PPM1H: variants seen among roughly 807,000 people sequenced by gnomAD.
The protein encoded by PPM1H is protein phosphatase, Mg2+/Mn2+ dependent 1H, also known as protein phosphatase 1H.
In PPM1H, 27 loss-of-function variants were observed where a neutral mutation model predicts 54.9. That is an observed-to-expected ratio of 0.49 (90% CI 0.36 to 0.68). The LOEUF (loss-of-function observed/expected upper bound fraction) is 0.68. Among genes scored for constraint, PPM1H ranks in the 30% least tolerant of loss-of-function variants. The pLI is 0.00. For missense variants in PPM1H, 596 were observed against 667.8 expected (o/e 0.89, Z 1.19); for synonymous variants, 305 against 270.8 (o/e 1.13, Z -1.24).
chr12:62,912,595 A>G (rs1386991963), intron 1 of PPM1H, among the ~76,000 whole-genome samples: 1 of 152,222 alleles, frequency 6.6e-6, no homozygotes, highest in East Asian at 1.9e-4. Flanking sequence ...TTAACCTTCT[A>G]CTATGATATC....
At chr12:62,850,342 T>C (rs1345599208) in intron 1 of PPM1H, among the ~76,000 whole-genome samples, 2 of 152,128 alleles carry the variant, frequency 1.3e-5, no homozygotes, top group African/African-American at 4.8e-5. Flanking sequence ...AGTTAAAGAT[T>C]TACTGATAAT....
intron 4 of PPM1H, among the ~76,000 whole-genome samples, chr12:62,774,010 C>G (rs2076594243): frequency 6.6e-6 from 1 of 152,172 alleles, no homozygotes; most frequent in South Asian, 2.1e-4. Flanking sequence ...GCTGAGCTGA[C>G]CAGCATTCCC....
chr12:62,781,798 A>G (rs1433416952), intron 4 of PPM1H, among the ~76,000 whole-genome samples: 2 of 152,180 alleles, frequency 1.3e-5, no homozygotes, highest in African/African-American at 2.4e-5. Context: ...CCTGATGGGA[A>G]AAGTACAGAC....
intron 5 of PPM1H, among the ~76,000 whole-genome samples, chr12:62,723,330 T>C (rs916181965): frequency 6.6e-6 from 1 of 152,134 alleles, no homozygotes; most frequent in Non-Finnish European, 1.5e-5. Context: ...GTGCTTTCAT[T>C]CTGCTTTGTA....
intron 2 of PPM1H, among the ~76,000 whole-genome samples, chr12:62,808,488 G>T (rs2076818245): frequency 6.6e-6 from 1 of 152,056 alleles, no homozygotes; most frequent in African/African-American, 2.4e-5. Flanking sequence ...CACAACATTT[G>T]GTCATTTTCT....
intron 1 of PPM1H, among the ~76,000 whole-genome samples, chr12:62,919,035 T>C (rs965479817): frequency 6.6e-6 from 1 of 152,216 alleles, no homozygotes; most frequent in African/African-American, 2.4e-5. Context: ...TCAGTGGAGA[T>C]AGAAATTTTT....
At position 62,648,438 on chromosome 12, in the gene PPM1H, G is replaced by A. The variant is rs1035959869; in HGVS notation, c.*51C>T. 1 of 1,602,998 alleles carries A rather than the reference G, an allele frequency of 6.2e-7. No individual in the cohort carries two copies. The highest frequency in any genetic ancestry group is 1.3e-5 in the African/African-American group (1 of 74,818). On this transcript the variant is annotated 3_prime_UTR_variant, in exon 10 of 10. Transcript: ENST00000228705. Reference sequence around the variant, plus strand: ...GCACTTCCCAGTTCCGTCCTGCCAAGAGGCATCCCAGCTTTCTTCCCCTCT... The same window carrying A: ...GCACTTCCCAGTTCCGTCCTGCCAAAAGGCATCCCAGCTTTCTTCCCCTCT...
intron 1 of PPM1H, among the ~76,000 whole-genome samples, chr12:62,866,185 A>T (rs1473348090): frequency 6.6e-6 from 1 of 152,166 alleles, no homozygotes; most frequent in African/African-American, 2.4e-5. Context: ...CCTTGATCTC[A>T]GCAGGGCTCC....
chr12:62,835,691 A>G (rs955901464), intron 1 of PPM1H, among the ~76,000 whole-genome samples: 5 of 152,118 alleles, frequency 3.3e-5, no homozygotes. Flanking sequence ...TATTAATTTA[A>G]ATATTAAATT....
chr12:62,737,255 C>T (rs879572445), intron 5 of PPM1H, among the ~76,000 whole-genome samples: 2 of 150,760 alleles, frequency 1.3e-5, no homozygotes, highest in East Asian at 1.9e-4. Context: ...AACCAGAGCA[C>T]ACCATGTCTT....
chr12:62,925,684 T>C (rs980798488), intron 1 of PPM1H, among the ~76,000 whole-genome samples: 4 of 152,214 alleles, frequency 2.6e-5, no homozygotes, highest in Non-Finnish European at 5.9e-5. Context: ...TATTAACATG[T>C]AATACTCATT....
chr12:62,920,735 C>G (rs1239698245), intron 1 of PPM1H, among the ~76,000 whole-genome samples: 1 of 152,028 alleles, frequency 6.6e-6, no homozygotes, highest in East Asian at 1.9e-4. Flanking sequence ...TTCATAGTCA[C>G]TGTACCTTAC....
At position 62,646,313 on chromosome 12, in the gene PPM1H, C is replaced by A. The variant is rs760398581; in HGVS notation, c.*2176G>T. 3.9e-5 allele frequency: 6 copies of A among 152,282 alleles called. 1 individual carries two copies. The Middle Eastern group carries it at 0.017, about 432-fold the overall frequency. 9.4% of individuals were successfully genotyped at this position (152,282 alleles called of 1,614,324 possible). ...AGAAGGTAGTTGTGACATCTACACCCAAATTCTTACTCTGGTGGCTTGAAT... is the reference window on the plus strand; with the variant it reads ...AGAAGGTAGTTGTGACATCTACACCAAAATTCTTACTCTGGTGGCTTGAAT... On this transcript the variant is annotated 3_prime_UTR_variant, in exon 10 of 10. Transcript: ENST00000228705.
intron 1 of PPM1H, among the ~76,000 whole-genome samples, chr12:62,908,797 T>C (rs1039055350): frequency 2.0e-5 from 3 of 152,238 alleles, no homozygotes; most frequent in South Asian, 2.1e-4. Flanking sequence ...CAAATTACTA[T>C]GGACCACGTT....
chr12:62,690,117 T>A (rs1198673586), intron 7 of PPM1H, among the ~76,000 whole-genome samples: 1 of 152,148 alleles, frequency 6.6e-6, no homozygotes, highest in African/African-American at 2.4e-5. Context: ...CTCCAATGCA[T>A]GCGTGACGTC....
intron 1 of PPM1H, among the ~76,000 whole-genome samples, chr12:62,871,460 G>A (rs1399106650): frequency 6.6e-6 from 1 of 151,602 alleles, no homozygotes; most frequent in Non-Finnish European, 1.5e-5. Context: ...AGAATTAGTG[G>A]TAGTGGTTAG....
chr12:62,813,079 A>G (rs191534925), intron 2 of PPM1H, among the ~76,000 whole-genome samples: 16 of 152,182 alleles, frequency 1.1e-4, no homozygotes, highest in Middle Eastern at 3.4e-3. Flanking sequence ...TGAGGTACCC[A>G]TCCCCTCTTT....
At chr12:62,758,324 C>T (rs2076487590) in intron 4 of PPM1H, among the ~76,000 whole-genome samples, 1 of 152,132 alleles carries the variant, frequency 6.6e-6, no homozygotes, top group Non-Finnish European at 1.5e-5. Flanking sequence ...TCACATGAAC[C>T]TCACAGATGC....
intron 1 of PPM1H, among the ~76,000 whole-genome samples, chr12:62,931,120 T>C (rs1435580273): frequency 2.0e-5 from 3 of 152,184 alleles, no homozygotes; most frequent in Non-Finnish European, 4.4e-5. Context: ...TTAATTTTTC[T>C]ACCATCTCAA....
Sources: gnomAD v4.1 joint callset for allele counts (sites outside exome capture counted in the v4.1 genomes callset) on GRCh38, gnomAD v4.1.1 for gene constraint, MANE v1.5 for transcripts, NCBI Gene and HGNC (gene_info 2026-07-23, HGNC 2026-07-21) for gene names.